The following COG5 variants were observed in gnomAD, a reference collection of about 807,000 sequenced individuals.
COG5 encodes component of oligomeric golgi complex 5, also known as conserved oligomeric Golgi complex subunit 5.
Under a neutral mutation model 110.4 loss-of-function variants are expected in COG5, and 86 were observed. The ratio of observed to expected loss-of-function variants is 0.78; its 90% confidence interval spans 0.65 to 0.93. The LOEUF (loss-of-function observed/expected upper bound fraction) is 0.93. Among genes scored for constraint, COG5 ranks in the 40% least tolerant of loss-of-function variants. The pLI is 0.00. For synonymous variants in COG5, 360 were observed against 334.6 expected, an observed-to-expected ratio of 1.08 and a Z score of -0.83; for missense variants, 1,077 against 987.0, an observed-to-expected ratio of 1.09 and a Z score of -1.22.
intron 6 of COG5, among the ~76,000 whole-genome samples, chr7:107,416,348 C>G (rs1460240970): frequency 6.6e-6 from 1 of 151,830 alleles, no homozygotes; most frequent in African/African-American, 2.4e-5. Context: ...GTATAAATAT[C>G]AATAACAATG....
intron 14 of COG5, among the ~76,000 whole-genome samples, chr7:107,279,535 G>A (rs1049348914): frequency 6.6e-6 from 1 of 152,072 alleles, no homozygotes; most frequent in Non-Finnish European, 1.5e-5. Context: ...TATTTGTAAA[G>A]ATTAAAGAAC....
chr7:107,354,873 T>C (rs1812490476), intron 10 of COG5, among the ~76,000 whole-genome samples: 1 of 152,202 alleles, frequency 6.6e-6, no homozygotes, highest in Admixed American at 6.5e-5. Flanking sequence ...TAGCAAATCA[T>C]ACCTATCTGA....
chr7:107,358,692 C>T (rs1221463785), intron 10 of COG5, among the ~76,000 whole-genome samples: 2 of 152,192 alleles, frequency 1.3e-5, no homozygotes, highest in Non-Finnish European at 1.5e-5. Flanking sequence ...ACCTGCTTTT[C>T]TACTGGGAGT....
chr7:107,534,966 A>G (rs972941647), intron 5 of COG5, among the ~76,000 whole-genome samples: 1 of 151,574 alleles, frequency 6.6e-6, no homozygotes, highest in Non-Finnish European at 1.5e-5. Flanking sequence ...CATAACCAAC[A>G]GTCTCTCAGA....
chr7:107,427,549 G>GGTT (rs1453108373), intron 6 of COG5, among the ~76,000 whole-genome samples: 1 of 151,626 alleles, frequency 6.6e-6, no homozygotes, highest in African/African-American at 2.4e-5. Flanking sequence ...TTGGAAGCAG[G>GGTT]GTTTTCCCAG....
intron 16 of COG5, among the ~76,000 whole-genome samples, chr7:107,250,552 G>T (rs1802426511): frequency 6.6e-6 from 1 of 151,904 alleles, no homozygotes; most frequent in African/African-American, 2.4e-5. Context: ...CAATTCTCAG[G>T]GGAAAAGACA....
At chr7:107,500,930 T>C (rs17154167) in intron 6 of COG5, among the ~76,000 whole-genome samples, 1,985 of 152,276 alleles carry the variant, frequency 0.013, 48 homozygotes, top group African/African-American at 0.045. Context: ...TAAATTTACA[T>C]TCAACCATTC....
At chr7:107,486,120 T>G (rs1797642587) in intron 6 of COG5, among the ~76,000 whole-genome samples, 1 of 152,118 alleles carries the variant, frequency 6.6e-6, no homozygotes, top group South Asian at 2.1e-4. Context: ...ATATTCGTGT[T>G]TGCCAGGCCA....
At chr7:107,428,884 C>G (rs966467208) in intron 6 of COG5, among the ~76,000 whole-genome samples, 1 of 152,138 alleles carries the variant, frequency 6.6e-6, no homozygotes, top group African/African-American at 2.4e-5. Flanking sequence ...CTCAAGAGCT[C>G]TTGAGCTACT....
Position 107,558,216 on chromosome 7 carries a change from C to T in COG5, c.95-101G>A, listed in dbSNP as rs115087636. On this transcript the variant is annotated intron_variant, in intron 1 of 21. Transcript: ENST00000297135. ...TAATCATAATTAACATATTTTGATC[C>T]CATACTCTGAACCACTCCACTATAC... The T allele has an allele frequency of 1.1e-3, 1,419 of 1,252,000 alleles. 17 individuals carry two copies. In the African/African-American group the frequency reaches 0.019, roughly 17 times the overall value. The allele number at this position is 1,252,000 out of a possible 1,614,324, so 77.6% of individuals were successfully genotyped here. A position where few individuals can be genotyped will look rare whatever the true frequency, so the allele number is the denominator to read the frequency against.
chr7:107,444,760 T>C (rs1362603715), intron 6 of COG5, among the ~76,000 whole-genome samples: 1 of 152,146 alleles, frequency 6.6e-6, no homozygotes, highest in Non-Finnish European at 1.5e-5. Flanking sequence ...CACATCAAAA[T>C]TGAATTGAAG....
At chr7:107,236,838 G>T in intron 17 of COG5, 151 bp from the exon 18 acceptor site, 1 of 668,880 alleles carries the variant, frequency 1.5e-6, no homozygotes, top group Non-Finnish European at 2.7e-6. Context: ...TTTGATAAGC[G>T]TTAGCAGAAA....
At chr7:107,341,067 T>C (rs755836280) in intron 10 of COG5, among the ~76,000 whole-genome samples, 4 of 152,000 alleles carry the variant, frequency 2.6e-5, no homozygotes, top group Non-Finnish European at 5.9e-5. Flanking sequence ...GCATCCAATT[T>C]GGAAAACAGG....
intron 14 of COG5, among the ~76,000 whole-genome samples, chr7:107,262,608 G>A (rs1019228354): frequency 4.6e-5 from 7 of 152,134 alleles, no homozygotes; most frequent in Non-Finnish European, 7.3e-5. Context: ...AAACCAAGGT[G>A]GGTTCTTGGC....
rs1020370087 is a variant in COG5 at position 107,310,403 on chromosome 7, A to AT, written c.1109-12058dup. Among the ~76,000 whole-genome samples the AT allele has an allele frequency of 3.4e-4, 52 of 152,256 alleles. 1 individual carries two copies. Among genetic ancestry groups the AT allele is most frequent in the Admixed American group, 9.2e-4 (14 of 15,284 alleles). On this transcript the variant is annotated intron_variant, in intron 11 of 21. Coordinates refer to ENST00000297135, the MANE Select transcript of COG5 (RefSeq NM_006348.5). ...GCAAATTAGAGAAGCAATGGCTTGC[A>AT]TTTTTTTTAAAATACATCAGTATTA...
At chr7:107,386,261 C>T (rs948064069) in intron 7 of COG5, among the ~76,000 whole-genome samples, 18 of 9,400 alleles carry the variant, frequency 1.9e-3, no homozygotes, top group Admixed American at 0.017. Flanking sequence ...CTCTACTGGG[C>T]GGGGGTGGGG....
chr7:107,487,971 T>C (rs1195879826), intron 6 of COG5, among the ~76,000 whole-genome samples: 3 of 152,116 alleles, frequency 2.0e-5, no homozygotes, highest in African/African-American at 7.2e-5. Flanking sequence ...ATCTGTAGTT[T>C]TTAATTTTCA....
chr7:107,535,046 G>A (rs559055076), intron 5 of COG5, among the ~76,000 whole-genome samples: 10 of 151,636 alleles, frequency 6.6e-5, no homozygotes, highest in Admixed American at 1.3e-4. Flanking sequence ...TATAGAAACT[G>A]AACAACCTGA....
chr7:107,412,769 T>A (rs1478898190), intron 6 of COG5, 137 bp from the exon 7 acceptor site: 2 of 617,340 alleles, frequency 3.2e-6, no homozygotes, highest in Non-Finnish European at 5.5e-6. Context: ...ATCCGTATTT[T>A]AAAAAATACA....
Sources: gnomAD v4.1 joint callset for allele counts (sites outside exome capture counted in the v4.1 genomes callset) on GRCh38, gnomAD v4.1.1 for gene constraint, MANE v1.5 for transcripts, NCBI Gene and HGNC (gene_info 2026-07-23, HGNC 2026-07-21) for gene names.